Variants in TOP2A observed in about 807,000 individuals in gnomAD.
The protein encoded by TOP2A is DNA topoisomerase II alpha.
In TOP2A, 68 loss-of-function variants were observed where a neutral mutation model predicts 187.2. The observed-to-expected ratio is 0.36, with a 90% CI of 0.30 to 0.44. The LOEUF is 0.44. Among genes scored for constraint, TOP2A ranks in the 20% least tolerant of loss-of-function variants. TOP2A has a pLI of 1.00. For missense variants in TOP2A, 1,196 were observed against 1,808.7 expected, an observed-to-expected ratio of 0.66 and a Z score of 6.14; for synonymous variants, 542 against 593.2, an observed-to-expected ratio of 0.91 and a Z score of 1.25.
At position 40,402,961 on chromosome 17, in the gene TOP2A, T is replaced by C; in HGVS notation, c.2377A>G (p.Arg793Gly). 1 of 1,608,926 alleles carries C rather than the reference T, an allele frequency of 6.2e-7. No individual in the cohort carries two copies. The highest frequency in any genetic ancestry group is 8.5e-7 in the Non-Finnish European group (1 of 1,177,450). Residue 793 changes from arginine (R) to glycine (G), a missense_variant, in exon 20 of 35, where the codon AGG becomes GGG. By Grantham distance (125) the Arg-to-Gly change is moderately radical. Coordinates refer to ENST00000423485, the MANE Select transcript of TOP2A (RefSeq NM_001067.4). ...LLQPIGQFGT[R>G]LHGGKDSASP... ...GCAGAATCCTTGCCACCATGTAGCC[T>C]GGTACCAAACTGACCAATGGGCTGC...
At chr17:40,401,159 T>C (rs1002065970) in intron 20 of TOP2A, 78 bp from the exon 21 acceptor site, 41 of 1,231,670 alleles carry the variant, frequency 3.3e-5, no homozygotes, top group African/African-American at 4.6e-5. Context: ...AGGACATGTA[T>C]TATACATGAA....
At chr17:40,416,132 A>G in intron 3 of TOP2A, 64 bp from the exon 4 acceptor site, 2 of 1,273,312 alleles carry the variant, frequency 1.6e-6, no homozygotes, top group Non-Finnish European at 1.1e-6. Flanking sequence ...CTGTAACTCT[A>G]AGTAAGATAT....
intron 28 of TOP2A, 61 bp downstream of exon 28, chr17:40,396,222 C>T: frequency 2.3e-6 from 2 of 887,672 alleles, no homozygotes; most frequent in South Asian, 3.2e-5. Context: ...CTCAAGTGAT[C>T]CACCCACCTT....
chr17:40,392,976 G>T (rs1243923432), intron 29 of TOP2A, among the ~76,000 whole-genome samples: 2 of 152,114 alleles, frequency 1.3e-5, no homozygotes, highest in Admixed American at 1.3e-4. Context: ...GGAGGCTGGG[G>T]CGGGAGGATT....
chr17:40,398,686 CA>C, intron 26 of TOP2A, 45 bp from the exon 27 acceptor site: 1 of 1,604,942 alleles, frequency 6.2e-7, no homozygotes. Flanking sequence ...TGTATACAAG[CA>C]GCATTTTCAT....
chr17:40,392,019 G>A (rs2143621337), intron 32 of TOP2A, 49 bp downstream of exon 32: 1 of 1,577,224 alleles, frequency 6.3e-7, no homozygotes, highest in East Asian at 2.2e-5. Context: ...AGTTGGATCT[G>A]AGTGTCCCAG....
chr17:40,389,213 G>A lies in TOP2A; in HGVS notation c.*306C>T, dbSNP rs2034993169. 2 of 275,338 alleles carry A rather than the reference G, an allele frequency of 7.3e-6. No homozygotes were observed. Among genetic ancestry groups the A allele is most frequent in the African/African-American group, 4.3e-5 (2 of 46,080 alleles). The allele number at this position is 275,338 out of a possible 1,614,324, so 17.1% of individuals were successfully genotyped here. ...ATGGTTAATAAACACACTGCTTTAC[G>A]CTGAAGTGATCAGATAGCTATTTCT... is the stretch of plus-strand genomic sequence containing the variant. On this transcript the variant is annotated 3_prime_UTR_variant, in exon 35 of 35. Coordinates refer to ENST00000423485, the MANE Select transcript of TOP2A (RefSeq NM_001067.4).
intron 25 of TOP2A, 31 bp downstream of exon 25, chr17:40,399,009 A>G: frequency 1.3e-6 from 2 of 1,591,668 alleles, no homozygotes; most frequent in Non-Finnish European, 1.7e-6. Flanking sequence ...CATAGTCTTT[A>G]ACAATATAGA....
chr17:40,401,577 C>T (rs975638034), intron 20 of TOP2A, among the ~76,000 whole-genome samples: 1 of 151,924 alleles, frequency 6.6e-6, no homozygotes, highest in Non-Finnish European at 1.5e-5. Context: ...AGCATGGTGG[C>T]GTGTACCTGT....
chr17:40,402,874 G>C (rs774349017), intron 20 of TOP2A, 32 bp downstream of exon 20: 41 of 1,557,354 alleles, frequency 2.6e-5, no homozygotes, highest in Non-Finnish European at 1.3e-5. Flanking sequence ...AACTGGAAAT[G>C]GCAAGTCACT....
chr17:40,401,500 A>G (rs2035180013), intron 20 of TOP2A, among the ~76,000 whole-genome samples: 1 of 152,178 alleles, frequency 6.6e-6, no homozygotes, highest in Admixed American at 6.6e-5. Context: ...ACCTGAGGTC[A>G]GGAGTTCAAG....
At chr17:40,410,908 G>A (rs1486147914) in intron 10 of TOP2A, among the ~76,000 whole-genome samples, 2 of 152,196 alleles carry the variant, frequency 1.3e-5, no homozygotes, top group Non-Finnish European at 2.9e-5. Flanking sequence ...ATGGTAAAAT[G>A]TAATTGGGAA....
rs1335490488 is a variant in TOP2A, at chr17:40,416,018, C to G, written c.319G>C (p.Val107Leu). ...QRDPKMSCIR[V>L]TIDPENNLIS... is the part of the protein sequence containing the mutation. ...CAAAAGACGTACGGATCAATTGTGACTCTAATACAAGACATTTTTGGGTCC... is the reference window on the plus strand; with the variant it reads ...CAAAAGACGTACGGATCAATTGTGAGTCTAATACAAGACATTTTTGGGTCC... The change falls in exon 4 of 35, where the codon GTC becomes CTC. Residue 107 changes from valine to leucine, a missense_variant. By Grantham distance (32) the Val-to-Leu change is conservative (BLOSUM62 1). Around this residue, in one of 10 missense-constraint regions of TOP2A, gnomAD observed 97 missense variants for 171.0 expected, o/e 0.57. Coordinates refer to ENST00000423485, the MANE Select transcript of TOP2A (RefSeq NM_001067.4). 7 of 1,589,308 alleles carry G rather than the reference C, an allele frequency of 4.4e-6. No homozygotes were observed. The highest frequency in any genetic ancestry group is 1.7e-4 in the Middle Eastern group (1 of 6,048).
intron 30 of TOP2A, 97 bp from the exon 31 acceptor site, chr17:40,392,438 T>A: frequency 6.7e-7 from 1 of 1,491,564 alleles, no homozygotes; most frequent in Non-Finnish European, 9.1e-7. Flanking sequence ...AGTTTTTAAA[T>A]CTCCTGAAAG....
At chr17:40,402,794 C>T (rs1489705207) in intron 20 of TOP2A, 112 bp downstream of exon 20, 2 of 1,187,088 alleles carry the variant, frequency 1.7e-6, no homozygotes, top group East Asian at 2.6e-5. Flanking sequence ...GCCTCTGCCA[C>T]TAGATGCCAG....
chr17:40,406,888 A>G lies in TOP2A; in HGVS notation c.1681T>C (p.Trp561Arg). The stretch of plus-strand genomic sequence containing the variant: ...AAACGATGTCGCAGAAGAGAGGGCC[A>G]GTTGTGATGGATAAAATTAATCAGC... ...GLLINFIHHN[W>R]PSLLRHRFLE... Residue 561 changes from tryptophan (W) to arginine (R), a missense_variant, in exon 14 of 35, where the codon TGG (tryptophan) becomes CGG (arginine). By Grantham distance (101) the Trp-to-Arg change is moderately radical. This residue lies in a region of TOP2A where 209 missense variants were observed against 376.9 expected (regional missense o/e 0.55). Coordinates refer to ENST00000423485, the MANE Select transcript of TOP2A (RefSeq NM_001067.4). 6.2e-7 allele frequency: 1 copy of G among 1,607,716 alleles called. No homozygotes were observed. The highest frequency in any genetic ancestry group is 8.5e-7 in the Non-Finnish European group (1 of 1,176,518).
intron 10 of TOP2A, chr17:40,410,680 G>A: frequency 2.2e-6 from 1 of 453,360 alleles, no homozygotes; most frequent in South Asian, 1.6e-5. Context: ...AAGGCTCCCA[G>A]CTTTCTTGTT....
At position 40,390,173 on chromosome 17, in the gene TOP2A, C is replaced by A. The variant is rs1479662610; in HGVS notation, c.4268-9G>T. On this transcript the variant is annotated splice_polypyrimidine_tract_variant and intron_variant, in intron 33 of 34. Coordinates refer to ENST00000423485, the MANE Select transcript of TOP2A (RefSeq NM_001067.4). ...GGAGGTGGAAGACTGACCTGCAATTCAATACAGGCATTTGTCACAGCTGCT... is the reference window on the plus strand; with the variant it reads ...GGAGGTGGAAGACTGACCTGCAATTAAATACAGGCATTTGTCACAGCTGCT... 1 of 1,602,922 alleles carries A rather than the reference C, an allele frequency of 6.2e-7. No individual in the cohort carries two copies. Among genetic ancestry groups the A allele is most frequent in the Non-Finnish European group, 8.5e-7 (1 of 1,175,406 alleles).
rs762860162 is a variant in TOP2A at position 40,411,384 on chromosome 17, G to C, written c.1035C>G (p.Asn345Lys). Residue 345 changes from asparagine to lysine, a missense_variant, in exon 9 of 35, where the codon AAC (asparagine) becomes AAG (lysine). By Grantham distance (94) the Asn-to-Lys change is moderately conservative (BLOSUM62 0). Around this residue, in one of 10 missense-constraint regions of TOP2A, gnomAD observed 252 missense variants for 434.8 expected, o/e 0.58. Coordinates refer to ENST00000423485, the MANE Select transcript of TOP2A (RefSeq NM_001067.4). This position sits in a 1 kb window ranked among gnomAD's most constrained non-coding sequence, Gnocchi z 4.4. ...TKLVDVVKKK[N>K]KGGVAVKAHQ... ...GTGCTTTTACTGCAACACCACCCTT[G>C]TTCTTCTTCTTCACAACATCAACAA... 2.5e-6 allele frequency: 4 copies of C among 1,613,766 alleles called. No individual in the cohort carries two copies. The highest frequency in any genetic ancestry group is 1.1e-5 in the South Asian group (1 of 91,072).
Sources: allele counts gnomAD v4.1 joint callset (sites outside exome capture counted in the v4.1 genomes callset), GRCh38; gene constraint gnomAD v4.1.1; regional missense constraint gnomAD v4.1.1; non-coding constraint Gnocchi (gnomAD v3.1); transcripts MANE v1.5; gene names NCBI Gene and HGNC (gene_info 2026-07-23, HGNC 2026-07-21).